The following BCHE variants were observed in gnomAD, a reference collection of about 807,000 sequenced individuals.
The protein encoded by BCHE is butyrylcholinesterase.
In BCHE, 48 loss-of-function variants were observed where a neutral mutation model predicts 51.3. The ratio of observed to expected loss-of-function variants is 0.94; its 90% confidence interval spans 0.74 to 1.19. BCHE has a LOEUF of 1.19. BCHE is among the 50% of genes most tolerant of loss of function. BCHE has a pLI of 0.00. For missense variants in BCHE, 847 were observed against 708.2 expected, an observed-to-expected ratio of 1.20 and a Z score of -2.23; for synonymous variants, 251 against 238.0, an observed-to-expected ratio of 1.05 and a Z score of -0.50.
At chr3:165,820,364 T>A (rs574178762) in intron 2 of BCHE, among the ~76,000 whole-genome samples, 10 of 152,220 alleles carry the variant, frequency 6.6e-5, no homozygotes, top group South Asian at 2.1e-4. Context: ...CCATTTTTTT[T>A]AAACCTACAT....
intron 2 of BCHE, among the ~76,000 whole-genome samples, chr3:165,800,557 T>C (rs908639850): frequency 1.3e-5 from 2 of 152,164 alleles, no homozygotes; most frequent in Admixed American, 6.5e-5. Context: ...ATAATTTTAA[T>C]TGTACTTGAC....
At chr3:165,784,811 A>G (rs1235695230) in intron 3 of BCHE, among the ~76,000 whole-genome samples, 3 of 151,898 alleles carry the variant, frequency 2.0e-5, no homozygotes, top group Non-Finnish European at 2.9e-5. Context: ...ATCTCAAATT[A>G]TAACCCTCTC....
In BCHE at chr3:165,773,126, C is replaced by A. The variant is rs1184375569; in HGVS notation, c.*256G>T. On this transcript the variant is annotated 3_prime_UTR_variant, in exon 4 of 4. Coordinates refer to ENST00000264381, the MANE Select transcript of BCHE (RefSeq NM_000055.4). ...TTATTAAGGAAAGAAAGAAATTGAA[C>A]CAGGCCATTGTTTTAATATGCACAT... The A allele has an allele frequency of 6.7e-6, 2 of 296,968 alleles. No homozygotes were observed. Among genetic ancestry groups the A allele is most frequent in the African/African-American group, 2.2e-5 (1 of 45,646 alleles). 18.4% of individuals were successfully genotyped at this position (296,968 alleles called of 1,614,324 possible). A position where few individuals can be genotyped will look rare whatever the true frequency, so the allele number is the denominator to read the frequency against.
intron 2 of BCHE, among the ~76,000 whole-genome samples, chr3:165,787,895 C>G (rs898677994): frequency 7.9e-5 from 12 of 151,852 alleles, no homozygotes; most frequent in Non-Finnish European, 1.3e-4. Flanking sequence ...AATCAAGAAA[C>G]TATAAAGTTT....
Position 165,830,318 on chromosome 3 carries a change from G to A in BCHE, c.716C>T (p.Pro239Leu), listed in dbSNP as rs1455218172. ...AASVSLHLLS[P>L]GSHSLFTRAI... ...TCTGGTGAACAATGAATGGCTTCCA[G>A]GAGAAAGCAAATGCAGGCTAACTGA... is the stretch of plus-strand genomic sequence containing the variant. Residue 239 changes from proline to leucine, a missense_variant, in exon 2 of 4, where the codon CCT becomes CTT. Coordinates refer to ENST00000264381, the MANE Select transcript of BCHE (RefSeq NM_000055.4). 1.9e-6 allele frequency: 3 copies of A among 1,613,862 alleles called. No homozygotes were observed. Among genetic ancestry groups the A allele is most frequent in the African/African-American group, 1.3e-5 (1 of 74,922 alleles).
intron 2 of BCHE, among the ~76,000 whole-genome samples, chr3:165,813,052 CT>C (rs1714167229): frequency 1.2e-5 from 1 of 81,888 alleles, no homozygotes; most frequent in African/African-American, 2.8e-5. Context: ...CATGAGAGTC[CT>C]TTTTTTTCCT....
At chr3:165,834,659 A>T (rs991179548) in intron 1 of BCHE, among the ~76,000 whole-genome samples, 1 of 151,936 alleles carries the variant, frequency 6.6e-6, no homozygotes, top group East Asian at 1.9e-4. Flanking sequence ...AAATTTTGAT[A>T]TGTTTATCAT....
chr3:165,795,026 A>G (rs1186153329), intron 2 of BCHE, among the ~76,000 whole-genome samples: 1 of 152,170 alleles, frequency 6.6e-6, no homozygotes, highest in Non-Finnish European at 1.5e-5. Flanking sequence ...TTTTTGCAGT[A>G]AGAATTAAGT....
chr3:165,827,649 T>G (rs1560021777), intron 2 of BCHE, among the ~76,000 whole-genome samples: 1 of 151,938 alleles, frequency 6.6e-6, no homozygotes, highest in East Asian at 1.9e-4. Flanking sequence ...TTTCAATAAT[T>G]TCAAAAATCA....
chr3:165,814,662 C>A (rs1264713012), intron 2 of BCHE, among the ~76,000 whole-genome samples: 4 of 151,928 alleles, frequency 2.6e-5, no homozygotes, highest in African/African-American at 7.3e-5. Context: ...ACTCCTGGGC[C>A]CTTTGCTGAA....
intron 3 of BCHE, chr3:165,778,215 A>G (rs1215243503): frequency 6.5e-6 from 1 of 152,742 alleles, no homozygotes; most frequent in Non-Finnish European, 1.5e-5. Flanking sequence ...GCCAGTTTAC[A>G]ATAATTTTTA....
chr3:165,829,424 G>A, intron 2 of BCHE, 93 bp downstream of exon 2: 1 of 1,109,246 alleles, frequency 9.0e-7, no homozygotes, highest in South Asian at 1.3e-5. Flanking sequence ...ACATTTCTGT[G>A]TCTTTATACT....
At chr3:165,797,410 G>A (rs1325918334) in intron 2 of BCHE, among the ~76,000 whole-genome samples, 1 of 137,250 alleles carries the variant, frequency 7.3e-6, no homozygotes, top group East Asian at 2.1e-4. Context: ...CATTAGCTGG[G>A]CAAGTGCATC....
chr3:165,795,646 A>C (rs1713347497), intron 2 of BCHE, among the ~76,000 whole-genome samples: 1 of 152,116 alleles, frequency 6.6e-6, no homozygotes, highest in South Asian at 2.1e-4. Context: ...GATTCATTAT[A>C]GTTTGTTCAG....
chr3:165,821,183 C>T (rs1235935278), intron 2 of BCHE, among the ~76,000 whole-genome samples: 1 of 151,568 alleles, frequency 6.6e-6, no homozygotes, highest in Non-Finnish European at 1.5e-5. Flanking sequence ...GAAGAGACCT[C>T]TAAGAATTGT....
chr3:165,830,062 A>G lies in BCHE; in HGVS notation c.972T>C (p.Gly324=). Residue 324 remains glycine, a synonymous_variant, in exon 2 of 4, where the codon GGT becomes GGC. Coordinates refer to ENST00000264381, the MANE Select transcript of BCHE (RefSeq NM_000055.4). Reference sequence around the variant, plus strand: ...TGTCTGGCATGTCAGTGAGAAAATCACCATCCACGGTCGGACCAAAGTTTA... The same window carrying G: ...TGTCTGGCATGTCAGTGAGAAAATCGCCATCCACGGTCGGACCAAAGTTTA... The part of the protein sequence containing the change: ...LSVNFGPTVD[G]DFLTDMPDIL... 2 of 1,613,706 alleles carry G rather than the reference A, an allele frequency of 1.2e-6. No individual in the cohort carries two copies. Among genetic ancestry groups the G allele is most frequent in the Non-Finnish European group, 1.7e-6 (2 of 1,179,870 alleles).
At chr3:165,786,448 A>T (rs990047765) in intron 2 of BCHE, 137 bp from the exon 3 acceptor site, 1 of 784,338 alleles carries the variant, frequency 1.3e-6, no homozygotes, top group African/African-American at 1.8e-5. Flanking sequence ...TGATGATATG[A>T]AACGTATGTG....
chr3:165,794,120 C>A (rs990253624), intron 2 of BCHE, among the ~76,000 whole-genome samples: 91 of 151,870 alleles, frequency 6.0e-4, no homozygotes, highest in African/African-American at 2.1e-3. Context: ...TAACTATATA[C>A]CCAAATAAAA....
intron 2 of BCHE, among the ~76,000 whole-genome samples, chr3:165,811,368 T>C (rs896383684): frequency 7.2e-5 from 11 of 152,206 alleles, no homozygotes; most frequent in African/African-American, 2.4e-4. Context: ...AGTGAAAACA[T>C]CCTTACCTAC....
Sources: allele counts gnomAD v4.1 joint callset (sites outside exome capture counted in the v4.1 genomes callset), GRCh38; gene constraint gnomAD v4.1.1; transcripts MANE v1.5; gene names NCBI Gene and HGNC (gene_info 2026-07-23, HGNC 2026-07-21).